DNAJC8: variants seen among roughly 807,000 people sequenced by gnomAD.
DNAJC8 encodes the protein DnaJ heat shock protein family (Hsp40) member C8.
A neutral mutation model predicts 43.2 loss-of-function variants in DNAJC8; 24 were observed. That is an observed-to-expected ratio of 0.56 (90% CI 0.40 to 0.78). DNAJC8 has a LOEUF of 0.78. Ranked by LOEUF, DNAJC8 falls within the 30% of genes least tolerant of loss-of-function variation. DNAJC8 has a pLI of 0.00. For synonymous variants in DNAJC8, 83 were observed against 98.0 expected (o/e 0.85, Z 0.90); for missense variants, 207 against 299.4 (o/e 0.69, Z 2.28).
intron 7 of DNAJC8, 59 bp from the exon 8 acceptor site, chr1:28,203,881 C>G: frequency 1.3e-6 from 2 of 1,547,536 alleles, no homozygotes; most frequent in Non-Finnish European, 1.8e-6. Flanking sequence ...ATTAACCATA[C>G]AAGGTGGCAT....
At chr1:28,212,327 T>G (rs1572063201) in intron 3 of DNAJC8, among the ~76,000 whole-genome samples, 1 of 139,936 alleles carries the variant, frequency 7.1e-6, no homozygotes. Context: ...CAGGCTGGAG[T>G]GCAATGGTGC....
intron 2 of DNAJC8, among the ~76,000 whole-genome samples, chr1:28,215,540 ATT>A (rs547746869): frequency 4.9e-5 from 7 of 143,562 alleles, no homozygotes; most frequent in African/African-American, 5.1e-5. Context: ...GAACAACTCT[ATT>A]TTTTTTTTTT....
chr1:28,222,282 T>A (rs1646903711), intron 2 of DNAJC8, among the ~76,000 whole-genome samples: 1 of 151,944 alleles, frequency 6.6e-6, no homozygotes, highest in African/African-American at 2.4e-5. Flanking sequence ...GGTCAGGCGT[T>A]CGAGACCAGC....
intron 6 of DNAJC8, among the ~76,000 whole-genome samples, chr1:28,206,525 G>A (rs1447610324): frequency 5.3e-5 from 8 of 152,164 alleles, no homozygotes; most frequent in Admixed American, 3.9e-4. Context: ...GACAAAGGGA[G>A]ACCCTATCTC....
intron 3 of DNAJC8, among the ~76,000 whole-genome samples, chr1:28,214,673 T>G (rs922026843): frequency 6.6e-6 from 1 of 152,214 alleles, no homozygotes; most frequent in Non-Finnish European, 1.5e-5. Context: ...AGCTCTATTA[T>G]TCTACTTTAT....
rs1646816572 is a variant in DNAJC8 at position 28,212,173 on chromosome 1, ATATATATATATATATAT to A, written c.238-1553_238-1537del. Among the ~76,000 whole-genome samples, 118 of 79,340 alleles carry A rather than the reference ATATATATATATATATAT, an allele frequency of 1.5e-3. 6 individuals are homozygous for A. The highest frequency in any genetic ancestry group is 2.8e-3 in the African/African-American group (50 of 17,962). 52.1% of individuals were successfully genotyped at this position (79,340 alleles called of 152,430 possible). A position where few individuals can be genotyped will look rare whatever the true frequency, so the allele number is the denominator to read the frequency against. On this transcript the variant is annotated intron_variant, in intron 3 of 8. Transcript: ENST00000263697. Reference sequence around the variant, plus strand: ...TCCGTCTCAATAAATAAATAAATATATATATATATATATATATATATATATATATATATATATATATA... The same window carrying A: ...TCCGTCTCAATAAATAAATAAATATAATATATATATATATATATATATATA...
At chr1:28,232,580 C>A (rs1646986641) in intron 1 of DNAJC8, among the ~76,000 whole-genome samples, 1 of 152,182 alleles carries the variant, frequency 6.6e-6, no homozygotes, top group African/African-American at 2.4e-5. Flanking sequence ...AGAAACGTCT[C>A]GGGGGCCAAG....
chr1:28,216,877 C>T (rs1401678214), intron 2 of DNAJC8, among the ~76,000 whole-genome samples: 2 of 141,608 alleles, frequency 1.4e-5, no homozygotes, highest in African/African-American at 2.6e-5. Context: ...GGTGTGATCT[C>T]GGCTCACTGC....
chr1:28,217,103 T>C (rs1287817917), intron 2 of DNAJC8, among the ~76,000 whole-genome samples: 2 of 151,778 alleles, frequency 1.3e-5, no homozygotes, highest in Non-Finnish European at 1.5e-5. Flanking sequence ...CCACCGCGCC[T>C]GGCCTTAAGC....
rs1646724691 is a variant in DNAJC8, at chr1:28,200,337, T to C, written c.*911A>G. The C allele has an allele frequency of 2.7e-6, 1 of 369,650 alleles. No individual in the cohort carries two copies. Among genetic ancestry groups the C allele is most frequent in the Admixed American group, 3.7e-5 (1 of 27,346 alleles). The allele number at this position is 369,650 out of a possible 1,614,324, so 22.9% of individuals were successfully genotyped here. On this transcript the variant is annotated 3_prime_UTR_variant, in exon 9 of 9. Coordinates refer to ENST00000263697, the MANE Select transcript of DNAJC8 (RefSeq NM_014280.3). ...TCAGTATCTTCATTTTACACAGAAA[T>C]AATAGGATATTGGCAATACCCAAGG... is the stretch of plus-strand genomic sequence containing the variant.
chr1:28,205,380 A>G lies in DNAJC8; in HGVS notation c.472-31T>C, dbSNP rs1467861126. ...GGAAAATCAAGAACAAAAGAAAATCAGAGTAAATATTTTTACCAGCAACTT... is the reference window on the plus strand; with the variant it reads ...GGAAAATCAAGAACAAAAGAAAATCGGAGTAAATATTTTTACCAGCAACTT... On this transcript the variant is annotated intron_variant, in intron 6 of 8. Coordinates refer to ENST00000263697, the MANE Select transcript of DNAJC8 (RefSeq NM_014280.3). The G allele has an allele frequency of 3.9e-6, 6 of 1,546,698 alleles. 1 individual carries two copies. In the South Asian group the frequency reaches 5.7e-5, roughly 15 times the overall value.
chr1:28,219,583 T>A (rs1646884994), intron 2 of DNAJC8, among the ~76,000 whole-genome samples: 1 of 152,232 alleles, frequency 6.6e-6, no homozygotes, highest in Admixed American at 6.5e-5. Flanking sequence ...GCATGTGGAC[T>A]GTATGCTGGA....
intron 2 of DNAJC8, among the ~76,000 whole-genome samples, chr1:28,216,658 A>C (rs1317577015): frequency 6.6e-6 from 1 of 151,996 alleles, no homozygotes; most frequent in Non-Finnish European, 1.5e-5. Flanking sequence ...AAAAACCTAA[A>C]ATAGCTATAA....
At position 28,201,367 on chromosome 1, in the gene DNAJC8, T is replaced by C; in HGVS notation, c.643A>G (p.Ser215Gly). 6.2e-7 allele frequency: 1 copy of C among 1,613,970 alleles called. No individual in the cohort carries two copies. Among genetic ancestry groups the C allele is most frequent in the Non-Finnish European group, 8.5e-7 (1 of 1,180,018 alleles). The change falls in exon 9 of 9, where the codon AGT (serine) becomes GGT (glycine). Residue 215 changes from serine to glycine, a missense_variant. This residue lies in a region of DNAJC8 where 159 missense variants were observed against 267.5 expected (regional missense o/e 0.59). Coordinates refer to ENST00000263697, the MANE Select transcript of DNAJC8 (RefSeq NM_014280.3). ...CAGCTGTCCACACGACCATCTCGAC[T>C]TTCCTAAGTACAAAAGAAGTTTGAG... The part of the protein sequence containing the change: ...EREWQKNFEE[S>G]RDGRVDSWRN...
At position 28,201,112 on chromosome 1, in the gene DNAJC8, A is replaced by G. The variant is rs1299523107; in HGVS notation, c.*136T>C. On this transcript the variant is annotated 3_prime_UTR_variant, in exon 9 of 9. Transcript: ENST00000263697. ...AAAAGAATTACTCTGATCGATATTAAATCGTATTGAAAACAAAATGGACTA... is the reference window on the plus strand; with the variant it reads ...AAAAGAATTACTCTGATCGATATTAGATCGTATTGAAAACAAAATGGACTA... 2 of 1,273,820 alleles carry G rather than the reference A, an allele frequency of 1.6e-6. No homozygotes were observed. Among genetic ancestry groups the G allele is most frequent in the Admixed American group, 4.4e-5 (2 of 45,304 alleles). 78.9% of individuals were successfully genotyped at this position (1,273,820 alleles called of 1,614,324 possible). A position where few individuals can be genotyped will look rare whatever the true frequency, so the allele number is the denominator to read the frequency against.
intron 2 of DNAJC8, among the ~76,000 whole-genome samples, chr1:28,225,995 C>T (rs112988823): frequency 6.6e-6 from 1 of 150,964 alleles, no homozygotes; most frequent in Non-Finnish European, 1.5e-5. Context: ...TGAGCCACCA[C>T]ACCTGGCCAA....
intron 6 of DNAJC8, 141 bp from the exon 7 acceptor site, chr1:28,205,490 C>G: frequency 1.6e-6 from 1 of 609,576 alleles, no homozygotes; most frequent in Non-Finnish European, 2.8e-6. Flanking sequence ...ATCTGTAATT[C>G]CAACACTTTG....
intron 3 of DNAJC8, among the ~76,000 whole-genome samples, chr1:28,212,686 T>C (rs948366731): frequency 2.0e-5 from 3 of 152,148 alleles, no homozygotes; most frequent in Non-Finnish European, 4.4e-5. Flanking sequence ...ATATTGTCAA[T>C]TGACAGAAAC....
intron 2 of DNAJC8, among the ~76,000 whole-genome samples, chr1:28,226,176 G>C (rs1646933315): frequency 6.6e-6 from 1 of 151,062 alleles, no homozygotes; most frequent in African/African-American, 2.4e-5. Flanking sequence ...GAGTCTCTCT[G>C]AACCTATTCT....
Sources: allele counts gnomAD v4.1 joint callset (sites outside exome capture counted in the v4.1 genomes callset), GRCh38; gene constraint gnomAD v4.1.1; regional missense constraint gnomAD v4.1.1; transcripts MANE v1.5; gene names NCBI Gene and HGNC (gene_info 2026-07-23, HGNC 2026-07-21).